The following EPB41L1 variants were observed in gnomAD, a reference collection of about 807,000 sequenced individuals.
EPB41L1 encodes band 4.1-like protein 1.
EPB41L1 carries 29 observed loss-of-function variants against 97.8 expected under a neutral mutation model. That is an observed-to-expected ratio of 0.30 (90% CI 0.22 to 0.40). The LOEUF (loss-of-function observed/expected upper bound fraction) is 0.40, where lower values mean the gene tolerates loss of function less well. Among genes scored for constraint, EPB41L1 ranks in the 10% least tolerant of loss-of-function variants. The probability of loss-of-function intolerance (pLI) is 1.00; values close to 1 mark genes in which losing one functional copy is unlikely to be tolerated. For missense variants in EPB41L1, 812 were observed against 1,162.3 expected, an observed-to-expected ratio of 0.70 and a Z score of 4.38; for synonymous variants, 383 against 459.2, an observed-to-expected ratio of 0.83 and a Z score of 2.12.
intron 1 of EPB41L1, among the ~76,000 whole-genome samples, chr20:36,162,705 T>C (rs2060582335): frequency 6.6e-6 from 1 of 152,244 alleles, no homozygotes; most frequent in Non-Finnish European, 1.5e-5. Flanking sequence ...TGCTGTCACG[T>C]GGTCCCCAGC....
rs114203984 is a variant in EPB41L1 at position 36,181,121 on chromosome 20, C to T, written c.491-1151C>T. On this transcript the variant is annotated intron_variant, in intron 5 of 21. Transcript: ENST00000338074. ...TCTGTATGGTGCAGATGGTGGTTAC[C>T]GCAGAGACAAGGATGGTAGTGATGA... Among the ~76,000 whole-genome samples, 1,081 of 152,184 alleles carry T rather than the reference C, an allele frequency of 7.1e-3. 11 individuals carry two copies. The highest frequency in any genetic ancestry group is 0.023 in the African/African-American group (964 of 41,500).
chr20:36,116,370 C>T lies in EPB41L1; in HGVS notation c.-10+3890C>T, dbSNP rs76777315. On this transcript the variant is annotated intron_variant, in intron 2 of 19. Transcript: ENST00000202028. ...GTTGTGGCCAGCTGTGCTTTCAGGC[C>T]CCACAGAAGGTGCCTTCTTCTTCCA... Among the ~76,000 whole-genome samples the T allele has an allele frequency of 1.1e-3, 173 of 152,072 alleles. 7 individuals carry two copies. The East Asian group carries it at 0.03, about 27-fold the overall frequency.
intron 1 of EPB41L1, among the ~76,000 whole-genome samples, chr20:36,104,703 G>T (rs1400495138): frequency 6.6e-6 from 1 of 152,166 alleles, no homozygotes; most frequent in Non-Finnish European, 1.5e-5. Context: ...GTTAAAGCAT[G>T]AAATGACTCC....
At chr20:36,141,701 C>A (rs2059645562) in intron 2 of EPB41L1, among the ~76,000 whole-genome samples, 1 of 152,166 alleles carries the variant, frequency 6.6e-6, no homozygotes, top group Admixed American at 6.5e-5. Context: ...CAAAACAAGA[C>A]CCAAATGTAC....
At chr20:36,149,680 T>G (rs749133268) in intron 2 of EPB41L1, 1 of 152,466 alleles carries the variant, frequency 6.6e-6, no homozygotes, top group Admixed American at 6.5e-5. Flanking sequence ...GCTGCTCTGT[T>G]AAGTTTGGCT....
At chr20:36,144,541 A>G (rs1218252282) in intron 2 of EPB41L1, among the ~76,000 whole-genome samples, 22 of 152,194 alleles carry the variant, frequency 1.4e-4, no homozygotes, top group Non-Finnish European at 2.6e-4. Context: ...CAGGACAGTT[A>G]AATCTGTCTG....
intron 1 of EPB41L1, among the ~76,000 whole-genome samples, chr20:36,159,698 C>T (rs1362614788): frequency 6.6e-6 from 1 of 152,208 alleles, no homozygotes; most frequent in African/African-American, 2.4e-5. Flanking sequence ...AGACATAGTG[C>T]CTGCCATATT....
At chr20:36,188,897 GA>G (rs368614367) in intron 9 of EPB41L1, among the ~76,000 whole-genome samples, 165 of 141,990 alleles carry the variant, frequency 1.2e-3, no homozygotes, top group Non-Finnish European at 1.8e-3. Context: ...AAAAAAGGGA[GA>G]AAAAAAAAAG....
chr20:36,127,105 T>TGACA (rs2059000831), intron 2 of EPB41L1, among the ~76,000 whole-genome samples: 1 of 152,102 alleles, frequency 6.6e-6, no homozygotes, highest in Non-Finnish European at 1.5e-5. Flanking sequence ...CCTAAGCCTC[T>TGACA]GACAGTGAGG....
At position 36,195,703 on chromosome 20, in the gene EPB41L1, T is replaced by C. The variant is rs1419251354; in HGVS notation, c.1485+339T>C. ...CACCACCAGCTCTTCCAGGCCATTC[T>C]GTGCTTTCATTTAGCACATCTCCCC... is the stretch of plus-strand genomic sequence containing the variant. On this transcript the variant is annotated intron_variant, in intron 13 of 21. Coordinates refer to ENST00000338074, the MANE Select transcript of EPB41L1 (RefSeq NM_012156.2). This position sits in a 1 kb window ranked among gnomAD's most constrained non-coding sequence, Gnocchi z 4.6. Among the ~76,000 whole-genome samples the C allele has an allele frequency of 6.6e-6, 1 of 151,854 alleles. No homozygotes were observed. Among genetic ancestry groups the C allele is most frequent in the Non-Finnish European group, 1.5e-5 (1 of 67,952 alleles).
rs1389119991 is a variant in EPB41L1, at chr20:36,093,199, G to T, written c.-65+1587G>T. The stretch of plus-strand genomic sequence containing the variant: ...TATCTGGGTGAGGGTGCGTGTGTCT[G>T]CGTGTGTCTGTCGGTGAATGTATCT... On this transcript the variant is annotated intron_variant, in intron 1 of 19. Coordinates refer to the EPB41L1 transcript ENST00000202028. The surrounding 1 kb of genome is among the most constrained non-coding windows in gnomAD (Gnocchi z 5.4). Among the ~76,000 whole-genome samples the T allele has an allele frequency of 6.6e-6, 1 of 152,094 alleles. No homozygotes were observed. Among genetic ancestry groups the T allele is most frequent in the Admixed American group, 6.5e-5 (1 of 15,282 alleles).
Position 36,222,286 on chromosome 20 carries a change from T to C in EPB41L1, c.2529T>C (p.Ala843=), listed in dbSNP as rs1303945538. ...DEDVDQDQAL[A]LAIKEAKLQH... is the part of the protein sequence containing the mutation. ...CTGTTCTTTACCACCAGGCCCTGGC[T>C]TTGGCCATCAAGGAGGCCAAACTGC... is the stretch of plus-strand genomic sequence containing the variant. The change falls in exon 21 of 22, where the codon GCT becomes GCC. Residue 843 remains alanine, a synonymous_variant. Coordinates refer to ENST00000338074, the MANE Select transcript of EPB41L1 (RefSeq NM_012156.2). 1 of 1,613,946 alleles carries C rather than the reference T, an allele frequency of 6.2e-7. No individual in the cohort carries two copies. Among genetic ancestry groups the C allele is most frequent in the African/African-American group, 1.3e-5 (1 of 74,934 alleles).
At chr20:36,219,109 C>G in intron 18 of EPB41L1, 147 bp downstream of exon 18, 1 of 826,704 alleles carries the variant, frequency 1.2e-6, no homozygotes. Flanking sequence ...TTTTCAGATG[C>G]CCACAGGGCT....
chr20:36,195,960 A>G lies in EPB41L1; in HGVS notation c.1485+596A>G, dbSNP rs1381197617. 6.6e-6 allele frequency among the ~76,000 whole-genome samples: 1 copy of G among 152,190 alleles called. No homozygotes were observed. The highest frequency in any genetic ancestry group is 1.5e-5 in the Non-Finnish European group (1 of 68,028). On this transcript the variant is annotated intron_variant, in intron 13 of 21. Coordinates refer to ENST00000338074, the MANE Select transcript of EPB41L1 (RefSeq NM_012156.2). This position sits in a 1 kb window ranked among gnomAD's most constrained non-coding sequence, Gnocchi z 4.6. ...AGGCAGGGTCGACTACTGCTCCGCT[A>G]TGGCAAAAACCTCCTCCTTTTCTCC...
intron 2 of EPB41L1, among the ~76,000 whole-genome samples, chr20:36,142,587 G>A (rs1471164907): frequency 6.6e-6 from 1 of 152,222 alleles, no homozygotes; most frequent in Non-Finnish European, 1.5e-5. Context: ...TAATAACCCG[G>A]CAGCGGTAGC....
rs1191814274 is a variant in EPB41L1 at position 36,207,375 on chromosome 20, A to G, written c.1669-2113A>G. ...GGTTTGGGTTCCCTTCAGGGAAGCG[A>G]AGGGAGATGACCTCTTTCCAGGCTG... On this transcript the variant is annotated intron_variant, in intron 14 of 21. Transcript: ENST00000338074. The surrounding 1 kb of genome is among the most constrained non-coding windows in gnomAD (Gnocchi z 4.9). 4 of 1,289,312 alleles carry G rather than the reference A, an allele frequency of 3.1e-6. No individual in the cohort carries two copies. In the Admixed American group the frequency reaches 9.2e-5, roughly 30 times the overall value. The allele number at this position is 1,289,312 out of a possible 1,614,324, so 79.9% of individuals were successfully genotyped here.
intron 14 of EPB41L1, chr20:36,208,378 C>G (rs759094695): frequency 2.2e-6 from 1 of 447,680 alleles, no homozygotes; most frequent in South Asian, 1.6e-5. Context: ...AGGGGGGGCG[C>G]CTGAGATTTG....
intron 16 of EPB41L1, among the ~76,000 whole-genome samples, chr20:36,213,962 G>C (rs865845487): frequency 6.6e-6 from 1 of 151,776 alleles, no homozygotes; most frequent in Non-Finnish European, 1.5e-5. Flanking sequence ...GATTTATTTC[G>C]CTGTCTCCCA....
At chr20:36,116,242 A>G (rs1207221553) in intron 2 of EPB41L1, among the ~76,000 whole-genome samples, 3 of 152,038 alleles carry the variant, frequency 2.0e-5, no homozygotes, top group Non-Finnish European at 4.4e-5. Context: ...GGATTTGGAC[A>G]TTCAGTTCAG....
Sources: gnomAD v4.1 joint callset for allele counts (sites outside exome capture counted in the v4.1 genomes callset) on GRCh38, gnomAD v4.1.1 for gene constraint, Gnocchi (gnomAD v3.1) non-coding constraint, MANE v1.5 for transcripts, NCBI Gene and HGNC (gene_info 2026-07-23, HGNC 2026-07-21) for gene names.